Variants in LRIG2 observed in about 807,000 individuals in gnomAD.
LRIG2 encodes leucine-rich repeats and immunoglobulin-like domains protein 2.
Under a neutral mutation model 107.8 loss-of-function variants are expected in LRIG2, and 93 were observed. The observed-to-expected ratio is 0.86, with a 90% CI of 0.73 to 1.03. LRIG2 has a LOEUF of 1.03. Among genes scored for constraint, LRIG2 ranks in the 50% least tolerant of loss-of-function variants. LRIG2 has a pLI of 0.00. For missense variants in LRIG2, 1,226 were observed against 1,296.0 expected, an observed-to-expected ratio of 0.95 and a Z score of 0.83; for synonymous variants, 471 against 470.6, an observed-to-expected ratio of 1.00 and a Z score of -0.01.
rs1483564796 is a variant in LRIG2 at position 113,126,242 on chromosome 1, A to G, written c.*2141A>G. 3 of 152,270 alleles carry G rather than the reference A, an allele frequency of 2.0e-5. No homozygotes were observed. The highest frequency in any genetic ancestry group is 7.2e-5 in the African/African-American group (3 of 41,462). The allele number at this position is 152,270 out of a possible 1,614,324, so 9.4% of individuals were successfully genotyped here. ...ATCTCTGTCTCATTTACCAGGGGTC[A>G]TTCAAAAGTCTGAGATGTATATTAT... On this transcript the variant is annotated 3_prime_UTR_variant, in exon 18 of 18. Coordinates refer to ENST00000361127, the MANE Select transcript of LRIG2 (RefSeq NM_014813.3).
In LRIG2 at chr1:113,126,007, T is replaced by C. The variant is rs1222145165; in HGVS notation, c.*1906T>C. ...AGGTGTGCTATATCTTGGCAAATAT[T>C]CCCCATGATGAACTCTTCCTACTAT... On this transcript the variant is annotated 3_prime_UTR_variant, in exon 18 of 18. Coordinates refer to ENST00000361127, the MANE Select transcript of LRIG2 (RefSeq NM_014813.3). 1 of 152,178 alleles carries C rather than the reference T, an allele frequency of 6.6e-6. No homozygotes were observed. Among genetic ancestry groups the C allele is most frequent in the Admixed American group, 6.5e-5 (1 of 15,272 alleles). The allele number at this position is 152,178 out of a possible 1,614,324, so 9.4% of individuals were successfully genotyped here.
chr1:113,081,942 A>G (rs1013816524), intron 1 of LRIG2, among the ~76,000 whole-genome samples: 7 of 152,232 alleles, frequency 4.6e-5, no homozygotes, highest in African/African-American at 1.7e-4. Flanking sequence ...TTTAGTTTGC[A>G]AAAGAAACAC....
rs1196644066 is a variant in LRIG2, at chr1:113,114,813, A to G, written c.2467A>G (p.Ile823Val). 1.9e-6 allele frequency: 3 copies of G among 1,614,050 alleles called. No individual in the cohort carries two copies. The South Asian group carries it at 3.3e-5, about 18-fold the overall frequency. The change falls in exon 15 of 18, where the codon ATC becomes GTC. Residue 823 changes from isoleucine (I) to valine (V), a missense_variant. Transcript: ENST00000361127. ...CTGCTGTGTTGTTGGCACTTCTTTG[A>G]TCTGGGTCATTGTTATTTACCACAT... is the stretch of plus-strand genomic sequence containing the variant. ...VVCCVVGTSL[I>V]WVIVIYHMRR...
rs757707979 is a variant in LRIG2, at chr1:113,128,051, C to T, written c.*3950C>T. On this transcript the variant is annotated 3_prime_UTR_variant, in exon 18 of 18. Coordinates refer to ENST00000361127, the MANE Select transcript of LRIG2 (RefSeq NM_014813.3). The stretch of plus-strand genomic sequence containing the variant: ...AATATTACTCACTAGATAATTTCAG[C>T]CACTTAAATAAAAATATCTATTTTT... 13 of 152,146 alleles carry T rather than the reference C, an allele frequency of 8.5e-5. No homozygotes were observed. Among genetic ancestry groups the T allele is most frequent in the Non-Finnish European group, 1.6e-4 (11 of 68,038 alleles). The allele number at this position is 152,146 out of a possible 1,614,324, so 9.4% of individuals were successfully genotyped here. A position where few individuals can be genotyped will look rare whatever the true frequency, so the allele number is the denominator to read the frequency against.
rs3214329 is a variant in LRIG2, at chr1:113,110,583, A to AT, written c.1798+29dup. The AT allele has an allele frequency of 9.7e-4, 1,483 of 1,533,886 alleles. 8 individuals are homozygous for AT. In the East Asian group the frequency reaches 0.022, roughly 23 times the overall value. The stretch of plus-strand genomic sequence containing the variant: ...AAATGGTAAGGAATTATGCTCCTTG[A>AT]TTTTTTTTAGTTTAGAAGGATTTTT... On this transcript the variant is annotated intron_variant, in intron 13 of 17. Transcript: ENST00000361127.
At chr1:113,097,994 A>G (rs947544302) in intron 8 of LRIG2, among the ~76,000 whole-genome samples, 11 of 152,234 alleles carry the variant, frequency 7.2e-5, no homozygotes, top group Non-Finnish European at 1.3e-4. Context: ...TAAAGTAGAA[A>G]GCTTTGTGCT....
intron 16 of LRIG2, among the ~76,000 whole-genome samples, chr1:113,116,947 C>G (rs1255596420): frequency 6.6e-6 from 1 of 152,180 alleles, no homozygotes; most frequent in Non-Finnish European, 1.5e-5. Context: ...TGAATAGCCA[C>G]TGTACTCTAG....
chr1:113,126,909 T>C lies in LRIG2; in HGVS notation c.*2808T>C, dbSNP rs1249109412. 1 of 158,054 alleles carries C rather than the reference T, an allele frequency of 6.3e-6. No homozygotes were observed. Among genetic ancestry groups the C allele is most frequent in the Admixed American group, 6.5e-5 (1 of 15,292 alleles). The allele number at this position is 158,054 out of a possible 1,614,324, so 9.8% of individuals were successfully genotyped here. On this transcript the variant is annotated 3_prime_UTR_variant, in exon 18 of 18. Coordinates refer to ENST00000361127, the MANE Select transcript of LRIG2 (RefSeq NM_014813.3). ...TGGAACCATTTGTCCATCCGACTTC[T>C]GCACTGGGCCACATCCATCTTCTTC...
chr1:113,084,150 C>T (rs949890100), intron 1 of LRIG2, among the ~76,000 whole-genome samples: 4 of 150,350 alleles, frequency 2.7e-5, no homozygotes, highest in Admixed American at 6.6e-5. Context: ...TGGAGAACCA[C>T]TGAACCATAA....
chr1:113,107,394 C>T (rs1038583829), intron 11 of LRIG2, among the ~76,000 whole-genome samples, 200 bp from the exon 12 acceptor site: 20 of 152,038 alleles, frequency 1.3e-4, no homozygotes, highest in African/African-American at 4.6e-4. Context: ...CACCCTTCTT[C>T]CCCTCTCTTT....
intron 6 of LRIG2, 80 bp from the exon 7 acceptor site, chr1:113,095,794 G>A (rs1654034595): frequency 1.4e-6 from 2 of 1,471,642 alleles, no homozygotes; most frequent in Middle Eastern, 1.7e-4. Flanking sequence ...TGCTTCTCTG[G>A]GAAAAACTTA....
At chr1:113,075,061 T>C (rs147067216) in intron 1 of LRIG2, among the ~76,000 whole-genome samples, 2,095 of 149,004 alleles carry the variant, frequency 0.014, 19 homozygotes, top group East Asian at 0.034. Flanking sequence ...CTACTAAAAA[T>C]GCAAAGTTAG....
rs191528714 is a variant in LRIG2 at position 113,116,509 on chromosome 1, C to G, written c.2680+73C>G. The G allele has an allele frequency of 4.4e-4, 600 of 1,367,722 alleles. 1 individual carries two copies. In the African/African-American group the frequency reaches 7.7e-3, roughly 18 times the overall value. The allele number at this position is 1,367,722 out of a possible 1,614,324, so 84.7% of individuals were successfully genotyped here. A position where few individuals can be genotyped will look rare whatever the true frequency, so the allele number is the denominator to read the frequency against. On this transcript the variant is annotated intron_variant, in intron 16 of 17. Transcript: ENST00000361127. The stretch of plus-strand genomic sequence containing the variant: ...GTTTACTTTTCAGTGTGTAGTTTCT[C>G]CATTAATCTGAAGCAATATTTTAAA...
rs1362523452 is a variant in LRIG2 at position 113,130,815 on chromosome 1, AAC to A, written c.*6718_*6719del. 1.3e-5 allele frequency: 2 copies of A among 152,226 alleles called. No homozygotes were observed. The highest frequency in any genetic ancestry group is 1.3e-4 in the Admixed American group (2 of 15,282). The allele number at this position is 152,226 out of a possible 1,614,324, so 9.4% of individuals were successfully genotyped here. ...CCTGTGTTCGTAGCTGGGAACATGA[AAC>A]ACAAAATTCTGGGTTTAATCTTCTG... On this transcript the variant is annotated 3_prime_UTR_variant, in exon 18 of 18. Coordinates refer to ENST00000361127, the MANE Select transcript of LRIG2 (RefSeq NM_014813.3).
At chr1:113,083,943 C>G (rs1216770) in intron 1 of LRIG2, among the ~76,000 whole-genome samples, 144,933 of 146,734 alleles carry the variant, frequency 0.99, 71,609 homozygotes, top group East Asian at 1. Flanking sequence ...TGTGGCACAT[C>G]TATACATATG....
intron 9 of LRIG2, 94 bp from the exon 10 acceptor site, chr1:113,100,117 G>T: frequency 4.6e-6 from 3 of 649,170 alleles, no homozygotes; most frequent in Non-Finnish European, 7.7e-6. Context: ...AAAAAAGTAC[G>T]CTACGCTTAT....
intron 1 of LRIG2, among the ~76,000 whole-genome samples, chr1:113,090,617 C>G (rs1442385443): frequency 6.6e-6 from 1 of 151,302 alleles, no homozygotes; most frequent in African/African-American, 2.4e-5. Context: ...ATGGGCAGAT[C>G]ACGAGGTCAG....
intron 2 of LRIG2, among the ~76,000 whole-genome samples, chr1:113,092,647 A>G (rs961429410): frequency 1.4e-4 from 22 of 152,224 alleles, no homozygotes; most frequent in African/African-American, 5.1e-4. Context: ...TGTGCAAAAT[A>G]CTTCATAACC....
At chr1:113,108,373 G>A (rs1485864456) in intron 12 of LRIG2, among the ~76,000 whole-genome samples, 2 of 151,134 alleles carry the variant, frequency 1.3e-5, no homozygotes, top group Non-Finnish European at 2.9e-5. Flanking sequence ...ACAGGCGTGT[G>A]CCACCATACC....
Sources: gnomAD v4.1 joint callset for allele counts (sites outside exome capture counted in the v4.1 genomes callset) on GRCh38, gnomAD v4.1.1 for gene constraint, MANE v1.5 for transcripts, NCBI Gene and HGNC (gene_info 2026-07-23, HGNC 2026-07-21) for gene names.